The following SERPIND1 variants were observed in gnomAD, a reference collection of about 807,000 sequenced individuals.
SERPIND1 encodes the protein heparin cofactor 2.
A neutral mutation model predicts 35.0 loss-of-function variants in SERPIND1; 34 were observed. The observed-to-expected ratio is 0.97, with a 90% CI of 0.74 to 1.29. The LOEUF (loss-of-function observed/expected upper bound fraction) is 1.29. SERPIND1 is among the 50% of genes most tolerant of loss of function. SERPIND1 has a pLI of 0.00. For missense variants in SERPIND1, 633 were observed against 637.7 expected, an observed-to-expected ratio of 0.99 and a Z score of 0.08; for synonymous variants, 236 against 241.1, an observed-to-expected ratio of 0.98 and a Z score of 0.19.
chr22:20,776,361 T>C (rs1933273171), intron 1 of SERPIND1, among the ~76,000 whole-genome samples: 1 of 152,122 alleles, frequency 6.6e-6, no homozygotes, highest in Admixed American at 6.6e-5. Flanking sequence ...TTCTAGAAAC[T>C]GTTTTCCCGT....
chr22:20,779,158 A>G, intron 1 of SERPIND1, 139 bp from the exon 2 acceptor site: 2 of 1,539,822 alleles, frequency 1.3e-6, no homozygotes, highest in South Asian at 2.4e-5. Context: ...CTTAAAGTCC[A>G]TGATCCTAAA....
In SERPIND1 at chr22:20,787,692, G is replaced by C. The variant is rs973777525; in HGVS notation, c.*626G>C. 2 of 156,870 alleles carry C rather than the reference G, an allele frequency of 1.3e-5. No homozygotes were observed. Among genetic ancestry groups the C allele is most frequent in the African/African-American group, 4.8e-5 (2 of 41,582 alleles). 9.7% of individuals were successfully genotyped at this position (156,870 alleles called of 1,614,324 possible). ...TGTGTGCCATGTCTCCCATACTAGA[G>C]ATAAATAAATGTAGCCACATTTACT... On this transcript the variant is annotated 3_prime_UTR_variant, in exon 5 of 5. Coordinates refer to ENST00000215727, the MANE Select transcript of SERPIND1 (RefSeq NM_000185.4).
intron 2 of SERPIND1, among the ~76,000 whole-genome samples, chr22:20,781,861 A>G (rs998568727): frequency 3.3e-5 from 5 of 152,152 alleles, no homozygotes; most frequent in Non-Finnish European, 7.4e-5. Flanking sequence ...CAACATCTCT[A>G]TGACTCAGTT....
chr22:20,787,337 C>G lies in SERPIND1; in HGVS notation c.*271C>G. 4.1e-6 allele frequency: 2 copies of G among 488,172 alleles called. No homozygotes were observed. The highest frequency in any genetic ancestry group is 2.1e-5 in the South Asian group (1 of 48,770). The allele number at this position is 488,172 out of a possible 1,614,324, so 30.2% of individuals were successfully genotyped here. A position where few individuals can be genotyped will look rare whatever the true frequency, so the allele number is the denominator to read the frequency against. ...GAGGGTCTCACCTCCCCACTCTTCA[C>G]AGCAAACCTGAGCAGCGCGTCCTAA... is the stretch of plus-strand genomic sequence containing the variant. On this transcript the variant is annotated 3_prime_UTR_variant, in exon 5 of 5. Transcript: ENST00000215727.
At chr22:20,786,345 A>T (rs1351362922) in intron 4 of SERPIND1, among the ~76,000 whole-genome samples, 197 bp downstream of exon 4, 1 of 152,126 alleles carries the variant, frequency 6.6e-6, no homozygotes, top group Non-Finnish European at 1.5e-5. Flanking sequence ...CCTGGCAGAC[A>T]CTTACTGGGC....
rs139118976 is a variant in SERPIND1, at chr22:20,779,778, G to T, written c.466G>T (p.Val156Phe). 1.7e-5 allele frequency: 27 copies of T among 1,614,088 alleles called. No homozygotes were observed. The Admixed American group carries it at 4.2e-4, about 25-fold the overall frequency. ...TTTCGATAACATCTTCATAGCACCC[G>T]TTGGCATTTCTACTGCGATGGGTAT... is the stretch of plus-strand genomic sequence containing the variant. ...NTFDNIFIAP[V>F]GISTAMGMIS... The change falls in exon 2 of 5, where the codon GTT becomes TTT. Residue 156 changes from valine (V) to phenylalanine (F), a missense_variant. Transcript: ENST00000215727.
intron 2 of SERPIND1, among the ~76,000 whole-genome samples, chr22:20,783,436 A>T (rs992886509): frequency 5.1e-4 from 21 of 40,942 alleles, no homozygotes; most frequent in African/African-American, 2.9e-3. Context: ...ATCTACAATT[A>T]AAAAAAAAAA....
chr22:20,776,164 A>G (rs545782062), intron 1 of SERPIND1, among the ~76,000 whole-genome samples: 1 of 152,192 alleles, frequency 6.6e-6, no homozygotes, highest in South Asian at 2.1e-4. Context: ...TTTACCAAAA[A>G]CACAAAAAAT....
At chr22:20,775,036 T>C (rs978180831) in intron 1 of SERPIND1, among the ~76,000 whole-genome samples, 2 of 152,290 alleles carry the variant, frequency 1.3e-5, no homozygotes, top group East Asian at 3.9e-4. Flanking sequence ...TTCCAAACTT[T>C]AGGCAGTTAC....
At chr22:20,776,061 C>T (rs557881179) in intron 1 of SERPIND1, among the ~76,000 whole-genome samples, 1 of 152,264 alleles carries the variant, frequency 6.6e-6, no homozygotes, top group South Asian at 2.1e-4. Context: ...GTAACTCATA[C>T]CTGTAATTCC....
In SERPIND1 at chr22:20,779,640, G is replaced by A. The variant is rs953679394; in HGVS notation, c.328G>A (p.Ala110Thr). The change falls in exon 2 of 5, where the codon GCT becomes ACT. Residue 110 changes from alanine to threonine, a missense_variant. Transcript: ENST00000215727. ...TTCCCCGACAGACTCTGATGTGAGT[G>A]CTGGGAACATCCTCCAGCTTTTTCA... ...SVSPTDSDVS[A>T]GNILQLFHGK... is the part of the protein sequence containing the mutation. 1.2e-6 allele frequency: 2 copies of A among 1,614,046 alleles called. No homozygotes were observed. Among genetic ancestry groups the A allele is most frequent in the Non-Finnish European group, 1.7e-6 (2 of 1,179,974 alleles).
Position 20,787,217 on chromosome 22 carries a change from CAAG to C in SERPIND1, c.*156_*158del, listed in dbSNP as rs1934319986. 2 of 723,660 alleles carry C rather than the reference CAAG, an allele frequency of 2.8e-6. No homozygotes were observed. The highest frequency in any genetic ancestry group is 2.1e-5 in the Admixed American group (1 of 46,766). The allele number at this position is 723,660 out of a possible 1,614,324, so 44.8% of individuals were successfully genotyped here. A position where few individuals can be genotyped will look rare whatever the true frequency, so the allele number is the denominator to read the frequency against. ...CATATGAGAGGAGCTTAGAAACGACCAAGAAGAGAGGCTTGTTGGAATCAATTC... is the reference window on the plus strand; with the variant it reads ...CATATGAGAGGAGCTTAGAAACGACCAAGAGAGGCTTGTTGGAATCAATTC... On this transcript the variant is annotated 3_prime_UTR_variant, in exon 5 of 5. Coordinates refer to ENST00000215727, the MANE Select transcript of SERPIND1 (RefSeq NM_000185.4).
chr22:20,783,069 TGA>T (rs1417279176), intron 2 of SERPIND1, among the ~76,000 whole-genome samples: 1 of 152,096 alleles, frequency 6.6e-6, no homozygotes, highest in Non-Finnish European at 1.5e-5. Context: ...GGAGCAGAAA[TGA>T]GATAATACAG....
intron 3 of SERPIND1, among the ~76,000 whole-genome samples, chr22:20,785,590 G>GT (rs1448620566): frequency 1.3e-5 from 2 of 152,038 alleles, no homozygotes; most frequent in East Asian, 3.9e-4. Flanking sequence ...GCATTGTCTA[G>GT]TATATACAGG....
chr22:20,780,731 G>A (rs1253072016), intron 2 of SERPIND1, among the ~76,000 whole-genome samples: 1 of 137,102 alleles, frequency 7.3e-6, no homozygotes, highest in African/African-American at 2.8e-5. Flanking sequence ...AGCCGAGACT[G>A]TGCCACTGCA....
At chr22:20,778,918 G>A (rs1933521504) in intron 1 of SERPIND1, among the ~76,000 whole-genome samples, 1 of 152,214 alleles carries the variant, frequency 6.6e-6, no homozygotes, top group South Asian at 2.1e-4. Context: ...ACTGGTCCAT[G>A]AGCCCCTGGT....
At chr22:20,785,369 C>A (rs945148044) in intron 3 of SERPIND1, among the ~76,000 whole-genome samples, 1 of 152,168 alleles carries the variant, frequency 6.6e-6, no homozygotes, top group Non-Finnish European at 1.5e-5. Context: ...CTGTGCCTGG[C>A]CCATTTGACT....
chr22:20,779,942 C>T lies in SERPIND1; in HGVS notation c.630C>T (p.Phe210=). ...TCCGTAAGCTGACTCATCGCCTCTT[C>T]AGGAGGAATTTTGGGTACACACTGC... ...NLFRKLTHRL[F]RRNFGYTLRS... The change falls in exon 2 of 5, where the codon TTC becomes TTT. Residue 210 remains phenylalanine, a synonymous_variant. Coordinates refer to ENST00000215727, the MANE Select transcript of SERPIND1 (RefSeq NM_000185.4). The T allele has an allele frequency of 6.2e-7, 1 of 1,614,208 alleles. No individual in the cohort carries two copies. The highest frequency in any genetic ancestry group is 8.5e-7 in the Non-Finnish European group (1 of 1,180,040).
chr22:20,782,962 G>A (rs1933913242), intron 2 of SERPIND1, among the ~76,000 whole-genome samples: 1 of 144,282 alleles, frequency 6.9e-6, no homozygotes, highest in Non-Finnish European at 1.5e-5. Flanking sequence ...CTACCCACCA[G>A]CTAGAAACCT....
Sources: allele counts gnomAD v4.1 joint callset (sites outside exome capture counted in the v4.1 genomes callset), GRCh38; gene constraint gnomAD v4.1.1; transcripts MANE v1.5; gene names NCBI Gene and HGNC (gene_info 2026-07-23, HGNC 2026-07-21).